CYP2C19: variants seen among roughly 807,000 people sequenced by gnomAD.
CYP2C19 encodes the protein cytochrome P450 2C19.
CYP2C19 carries 59 observed loss-of-function variants against 40.9 expected under a neutral mutation model. The observed-to-expected ratio is 1.44, with a 90% CI of 1.17 to 1.79. The LOEUF (loss-of-function observed/expected upper bound fraction) is 1.79, where lower values mean the gene tolerates loss of function less well. CYP2C19 is among the 40% of genes most tolerant of loss of function. The pLI is 0.00. For missense variants in CYP2C19, 754 were observed against 596.9 expected, an observed-to-expected ratio of 1.26 and a Z score of -2.74; for synonymous variants, 253 against 208.7, an observed-to-expected ratio of 1.21 and a Z score of -1.83.
At chr10:94,820,781 T>A in intron 6 of CYP2C19, 144 bp downstream of exon 6, 1 of 1,081,132 alleles carries the variant, frequency 9.2e-7, no homozygotes. Flanking sequence ...AATTTAATGG[T>A]GTGATTAAAA....
intron 3 of CYP2C19, among the ~76,000 whole-genome samples, chr10:94,779,090 A>G (rs561847460): frequency 1.8e-4 from 27 of 152,174 alleles, no homozygotes; most frequent in Admixed American, 3.9e-4. Context: ...AGGAAGGGTA[A>G]CATCACACAC....
At chr10:94,844,058 A>G (rs1287346280) in intron 7 of CYP2C19, among the ~76,000 whole-genome samples, 1 of 152,138 alleles carries the variant, frequency 6.6e-6, no homozygotes, top group African/African-American at 2.4e-5. Flanking sequence ...TTAGTTTGTA[A>G]TTTTCTTTCT....
At chr10:94,800,532 G>T (rs765342697) in intron 5 of CYP2C19, among the ~76,000 whole-genome samples, 15 of 152,210 alleles carry the variant, frequency 9.9e-5, no homozygotes, top group South Asian at 4.1e-4. Flanking sequence ...AAACGCCATG[G>T]TGGGAGAAGC....
intron 5 of CYP2C19, among the ~76,000 whole-genome samples, chr10:94,784,621 AT>A: frequency 6.6e-6 from 1 of 151,838 alleles, no homozygotes; most frequent in East Asian, 1.9e-4. Context: ...TTATTTATTT[AT>A]TTATTTATTT....
At chr10:94,786,649 A>G (rs1848544513) in intron 5 of CYP2C19, among the ~76,000 whole-genome samples, 1 of 152,118 alleles carries the variant, frequency 6.6e-6, no homozygotes, top group Non-Finnish European at 1.5e-5. Flanking sequence ...GGTAGTGAGA[A>G]TAGTACCCAA....
intron 5 of CYP2C19, among the ~76,000 whole-genome samples, chr10:94,806,941 A>G (rs74804603): frequency 0.048 from 7,228 of 151,988 alleles, 232 homozygotes; most frequent in South Asian, 0.11. Flanking sequence ...AATATACAAT[A>G]AAGTGTTGTT....
intron 5 of CYP2C19, among the ~76,000 whole-genome samples, chr10:94,810,808 A>C (rs191261747): frequency 1.7e-3 from 256 of 151,908 alleles, no homozygotes; most frequent in Non-Finnish European, 2.9e-3. Context: ...CTAGCAGCCT[A>C]TTTTGTTAAT....
intron 6 of CYP2C19, among the ~76,000 whole-genome samples, chr10:94,838,845 G>T (rs553021202): frequency 2.2e-4 from 34 of 152,232 alleles, no homozygotes; most frequent in Admixed American, 5.2e-4. Context: ...CTGTAAGATG[G>T]TGTTATAATT....
chr10:94,803,970 G>A (rs562200299), intron 5 of CYP2C19, among the ~76,000 whole-genome samples: 2 of 151,902 alleles, frequency 1.3e-5, no homozygotes, highest in Non-Finnish European at 2.9e-5. Flanking sequence ...GTGGCTCAGG[G>A]TGCTGATCCA....
intron 6 of CYP2C19, among the ~76,000 whole-genome samples, chr10:94,831,977 C>A (rs1171940148): frequency 6.6e-6 from 1 of 152,058 alleles, no homozygotes; most frequent in Non-Finnish European, 1.5e-5. Flanking sequence ...AAATTTTTGC[C>A]TAGACCAATG....
chr10:94,850,127 A>T (rs569355875), intron 8 of CYP2C19, 69 bp downstream of exon 8: 12 of 1,554,612 alleles, frequency 7.7e-6, no homozygotes, highest in African/African-American at 1.4e-5. Context: ...TGGAACTTAC[A>T]TGTGCCTTCT....
At chr10:94,774,697 A>T (rs545701623) in intron 1 of CYP2C19, 14 of 223,788 alleles carry the variant, frequency 6.3e-5, no homozygotes, top group South Asian at 5.8e-4. Context: ...GTGTTTGAAT[A>T]AGTGAAGTTT....
chr10:94,778,780 T>A (rs1848443717), intron 3 of CYP2C19, among the ~76,000 whole-genome samples: 1 of 152,216 alleles, frequency 6.6e-6, no homozygotes, highest in Non-Finnish European at 1.5e-5. Flanking sequence ...CCCAAAGGGC[T>A]ATAAACCATT....
rs190773410 is a variant in CYP2C19, at chr10:94,804,528, G to A, written c.820-15968G>A. Among the ~76,000 whole-genome samples the A allele has an allele frequency of 5.9e-5, 9 of 152,296 alleles. No individual in the cohort carries two copies. The East Asian group carries it at 1.5e-3, about 26-fold the overall frequency. ...GGGAAAATGTGTGCAGCTTTTCCTGGTGTCTTTCCCTCTCAGCATGTTCAA... is the reference window on the plus strand; with the variant it reads ...GGGAAAATGTGTGCAGCTTTTCCTGATGTCTTTCCCTCTCAGCATGTTCAA... On this transcript the variant is annotated intron_variant, in intron 5 of 8. Coordinates refer to ENST00000371321, the MANE Select transcript of CYP2C19 (RefSeq NM_000769.4).
In CYP2C19 at chr10:94,772,115, C is replaced by A. The variant is rs559376463; in HGVS notation, c.169-2943C>A. Among the ~76,000 whole-genome samples the A allele has an allele frequency of 3.9e-5, 6 of 152,226 alleles. 1 individual carries two copies. The highest frequency in any genetic ancestry group is 3.9e-4 in the Admixed American group (6 of 15,302). ...CCCAAAAATGAAATGGAGGGCCATA[C>A]CCTGAGGGAGGGAAGGGATCTCCAG... On this transcript the variant is annotated intron_variant, in intron 1 of 8. Coordinates refer to ENST00000371321, the MANE Select transcript of CYP2C19 (RefSeq NM_000769.4).
intron 6 of CYP2C19, among the ~76,000 whole-genome samples, chr10:94,830,062 G>C (rs1376315681): frequency 6.6e-6 from 1 of 152,168 alleles, no homozygotes; most frequent in Non-Finnish European, 1.5e-5. Flanking sequence ...CTTCAAAGCT[G>C]TCAGACAGGG....
At chr10:94,785,679 G>A (rs1464917627) in intron 5 of CYP2C19, among the ~76,000 whole-genome samples, 1 of 152,098 alleles carries the variant, frequency 6.6e-6, no homozygotes, top group Non-Finnish European at 1.5e-5. Flanking sequence ...TCTTTTTAAT[G>A]AAAAGCAACC....
intron 1 of CYP2C19, among the ~76,000 whole-genome samples, chr10:94,764,416 C>G (rs879756594): frequency 6.6e-6 from 1 of 152,122 alleles, no homozygotes; most frequent in African/African-American, 2.4e-5. Flanking sequence ...ATCTGCAAAC[C>G]TTTAGCTAGA....
rs1225449491 is a variant in CYP2C19, at chr10:94,835,982, C to A, written c.962-6855C>A. ...TTGAAGTCAGGATCAGTCAAGGGAA[C>A]CTCTAAAAGTTCCCCTCGAGTGGTG... On this transcript the variant is annotated intron_variant, in intron 6 of 8. Transcript: ENST00000371321. Among the ~76,000 whole-genome samples the A allele has an allele frequency of 2.0e-5, 3 of 152,184 alleles. No homozygotes were observed. The East Asian group carries it at 5.8e-4, about 29-fold the overall frequency.
Sources: gnomAD v4.1 joint callset for allele counts (sites outside exome capture counted in the v4.1 genomes callset) on GRCh38, gnomAD v4.1.1 for gene constraint, MANE v1.5 for transcripts, NCBI Gene and HGNC (gene_info 2026-07-23, HGNC 2026-07-21) for gene names.